Variants in PRKCA observed in about 807,000 individuals in gnomAD.
The protein encoded by PRKCA is protein kinase C alpha.
A neutral mutation model predicts 87.0 loss-of-function variants in PRKCA; 27 were observed. The observed-to-expected ratio is 0.31, with a 90% CI of 0.23 to 0.43. The LOEUF (loss-of-function observed/expected upper bound fraction) is 0.43, where lower values mean the gene tolerates loss of function less well. Ranked by LOEUF, PRKCA falls within the 20% of genes least tolerant of loss-of-function variation. The pLI is 1.00. For missense variants in PRKCA, 518 were observed against 852.3 expected (o/e 0.61, Z 4.88); for synonymous variants, 329 against 311.1 (o/e 1.06, Z -0.61).
intron 3 of PRKCA, among the ~76,000 whole-genome samples, chr17:66,515,742 G>A (rs1240206587): frequency 4.6e-5 from 7 of 152,070 alleles, no homozygotes; most frequent in African/African-American, 1.4e-4. Flanking sequence ...ATGGGGCCTC[G>A]CTATGTTGCC....
intron 2 of PRKCA, among the ~76,000 whole-genome samples, chr17:66,347,508 T>G (rs1004537901): frequency 6.6e-6 from 1 of 152,222 alleles, no homozygotes; most frequent in Non-Finnish European, 1.5e-5. Flanking sequence ...GTGTTTCATA[T>G]TGGTCCATCT....
intron 2 of PRKCA, among the ~76,000 whole-genome samples, chr17:66,321,282 C>T (rs1431260837): frequency 6.6e-6 from 1 of 152,074 alleles, no homozygotes; most frequent in East Asian, 1.9e-4. Context: ...CTGGGGGAGT[C>T]TCTTGGACAT....
At chr17:66,650,239 G>C (rs1971556402) in intron 5 of PRKCA, among the ~76,000 whole-genome samples, 1 of 152,234 alleles carries the variant, frequency 6.6e-6, no homozygotes, top group Admixed American at 6.5e-5. Context: ...TTTGCAGTCA[G>C]AGATGAGTTT....
chr17:66,627,355 G>A (rs892588907), intron 3 of PRKCA, among the ~76,000 whole-genome samples: 3 of 152,158 alleles, frequency 2.0e-5, no homozygotes, highest in Non-Finnish European at 4.4e-5. Context: ...TATTCTTCAG[G>A]TTGAGTTCTG....
chr17:66,688,838 G>A, intron 7 of PRKCA, 113 bp from the exon 8 acceptor site: 2 of 693,152 alleles, frequency 2.9e-6, no homozygotes, highest in Non-Finnish European at 5.1e-6. Flanking sequence ...AATGTCTACT[G>A]ATCTGGCTGT....
At position 66,602,834 on chromosome 17, in the gene PRKCA, C is replaced by T. The variant is rs577076581; in HGVS notation, c.289-38521C>T. The stretch of plus-strand genomic sequence containing the variant: ...GCCTGTGCACTGGGAGGAGTGTGCG[C>T]TGTGGGGGAGCCATGGAATTTTGTG... On this transcript the variant is annotated intron_variant, in intron 3 of 16. Coordinates refer to ENST00000413366, the MANE Select transcript of PRKCA (RefSeq NM_002737.3). Among the ~76,000 whole-genome samples, 160 of 152,206 alleles carry T rather than the reference C, an allele frequency of 1.1e-3. 3 individuals carry two copies. The highest frequency in any genetic ancestry group is 0.01 in the Admixed American group (155 of 15,290).
chr17:66,421,397 G>A (rs961307426), intron 2 of PRKCA, among the ~76,000 whole-genome samples: 4 of 142,738 alleles, frequency 2.8e-5, no homozygotes, highest in African/African-American at 1.1e-4. Context: ...GTCAGTTTGT[G>A]TAATTATGTC....
intron 8 of PRKCA, 143 bp from the exon 9 acceptor site, chr17:66,732,545 G>T (rs1973928193): frequency 2.1e-6 from 2 of 969,598 alleles, no homozygotes; most frequent in South Asian, 2.8e-5. Context: ...ATCTGAACAG[G>T]TACTCAATTC....
chr17:66,559,518 C>A (rs1429702502), intron 3 of PRKCA, among the ~76,000 whole-genome samples: 1 of 138,320 alleles, frequency 7.2e-6, no homozygotes, highest in Non-Finnish European at 1.5e-5. Context: ...CTCTCCAGTA[C>A]CCTCATCTTA....
At chr17:66,698,151 T>C (rs565609668) in intron 8 of PRKCA, among the ~76,000 whole-genome samples, 2 of 152,198 alleles carry the variant, frequency 1.3e-5, no homozygotes, top group South Asian at 4.1e-4. Flanking sequence ...GACTGCCTCC[T>C]TCTTCAAATG....
chr17:66,399,131 C>A (rs75528290), intron 2 of PRKCA, among the ~76,000 whole-genome samples: 87 of 140,628 alleles, frequency 6.2e-4, no homozygotes, highest in African/African-American at 2.2e-3. Flanking sequence ...CAGGGCCTTG[C>A]TCTGTCTTCC....
chr17:66,789,641 G>C (rs1340619709), intron 16 of PRKCA, among the ~76,000 whole-genome samples: 4 of 152,160 alleles, frequency 2.6e-5, no homozygotes, highest in Non-Finnish European at 4.4e-5. Context: ...CTGTGAGATG[G>C]GTACTATGGT....
At chr17:66,579,997 C>T (rs1161737793) in intron 3 of PRKCA, among the ~76,000 whole-genome samples, 3 of 152,172 alleles carry the variant, frequency 2.0e-5, no homozygotes, top group Non-Finnish European at 4.4e-5. Flanking sequence ...CGCCGGAGAT[C>T]CTCAAGATCA....
In PRKCA at chr17:66,535,819, G is replaced by C. The variant is rs374349659; in HGVS notation, c.288+39536G>C. Among the ~76,000 whole-genome samples the C allele has an allele frequency of 4.3e-3, 655 of 152,240 alleles. 5 individuals carry two copies. The highest frequency in any genetic ancestry group is 0.015 in the African/African-American group (607 of 41,554). On this transcript the variant is annotated intron_variant, in intron 3 of 16. Coordinates refer to ENST00000413366, the MANE Select transcript of PRKCA (RefSeq NM_002737.3). ...TCCATTCCCCTCCTTCTAATGAGGG[G>C]CCCCCACAGCTGTGGGGTTGTATCA...
chr17:66,500,546 G>A (rs1916681351), intron 3 of PRKCA, among the ~76,000 whole-genome samples: 1 of 152,206 alleles, frequency 6.6e-6, no homozygotes, highest in Admixed American at 6.5e-5. Flanking sequence ...TTACTTTGTG[G>A]ATGAGGAGAC....
intron 8 of PRKCA, among the ~76,000 whole-genome samples, chr17:66,731,010 G>C (rs1462533326): frequency 6.6e-6 from 1 of 152,166 alleles, no homozygotes; most frequent in Non-Finnish European, 1.5e-5. Flanking sequence ...TTCCTGGAAA[G>C]AGCTCCAGAG....
intron 5 of PRKCA, among the ~76,000 whole-genome samples, chr17:66,681,292 T>G (rs1972485577): frequency 6.6e-6 from 1 of 152,170 alleles, no homozygotes; most frequent in Non-Finnish European, 1.5e-5. Flanking sequence ...GTTGGATCAG[T>G]GGATCCAATG....
chr17:66,603,320 A>C (rs992876264), intron 3 of PRKCA, among the ~76,000 whole-genome samples: 20 of 152,174 alleles, frequency 1.3e-4, no homozygotes, highest in African/African-American at 3.9e-4. Flanking sequence ...CTATCATCGC[A>C]GATGCTTCAT....
intron 3 of PRKCA, among the ~76,000 whole-genome samples, chr17:66,640,123 G>T (rs190175412): frequency 6.6e-6 from 1 of 152,150 alleles, no homozygotes; most frequent in African/African-American, 2.4e-5. Flanking sequence ...ATTTTACAAA[G>T]ACTGACTCGT....
Sources: gnomAD v4.1 joint callset for allele counts (sites outside exome capture counted in the v4.1 genomes callset) on GRCh38, gnomAD v4.1.1 for gene constraint, MANE v1.5 for transcripts, NCBI Gene and HGNC (gene_info 2026-07-23, HGNC 2026-07-21) for gene names.